Variants in MAPK10 observed in about 807,000 individuals in gnomAD.
MAPK10 encodes JNK3 alpha protein kinase.
MAPK10 carries 25 observed loss-of-function variants against 59.3 expected under a neutral mutation model. The ratio of observed to expected loss-of-function variants is 0.42; its 90% CI spans 0.31 to 0.59. The LOEUF is 0.59. Ranked by LOEUF, MAPK10 falls within the 20% of genes least tolerant of loss-of-function variation. The probability of loss-of-function intolerance (pLI) is 0.15; values close to 1 mark genes in which losing one functional copy is unlikely to be tolerated. For missense variants in MAPK10, 351 were observed against 568.9 expected (o/e 0.62, Z 3.90); for synonymous variants, 190 against 200.5 (o/e 0.95, Z 0.44).
intron 11 of MAPK10, among the ~76,000 whole-genome samples, chr4:86,042,329 T>C (rs114600727): frequency 0.018 from 2,708 of 152,088 alleles, 77 homozygotes; most frequent in African/African-American, 0.063. Context: ...GTCAGAGGGT[T>C]GGGGGCAAGG....
In MAPK10 at chr4:86,173,526, C is replaced by T. The variant is rs907535469; in HGVS notation, c.67-14059G>A. 5.5e-4 allele frequency among the ~76,000 whole-genome samples: 83 copies of T among 151,908 alleles called. 1 individual carries two copies. Among genetic ancestry groups the T allele is most frequent in the African/African-American group, 1.9e-3 (77 of 41,338 alleles). Reference sequence around the variant, plus strand: ...ATGTAAAACCCAAAACCTTAAAAACCCTAGAAGAAAATCTAGGCAATATCA... The same window carrying T: ...ATGTAAAACCCAAAACCTTAAAAACTCTAGAAGAAAATCTAGGCAATATCA... On this transcript the variant is annotated intron_variant, in intron 3 of 13. Transcript: ENST00000641462.
intron 1 of MAPK10, among the ~76,000 whole-genome samples, chr4:86,404,314 T>C (rs949970567): frequency 1.5e-4 from 23 of 152,258 alleles, no homozygotes; most frequent in Middle Eastern, 3.4e-3. Context: ...AGAATTGATA[T>C]CAGTGCATGC....
At chr4:86,548,508 C>T (rs192373285) in intron 1 of MAPK10, among the ~76,000 whole-genome samples, 17 of 152,236 alleles carry the variant, frequency 1.1e-4, no homozygotes, top group Non-Finnish European at 2.1e-4. Flanking sequence ...ATTATAATCT[C>T]CAGGGCTGGA....
intron 3 of MAPK10, among the ~76,000 whole-genome samples, chr4:86,191,264 C>T (rs2079684440): frequency 6.6e-6 from 1 of 152,124 alleles, no homozygotes; most frequent in South Asian, 2.1e-4. Flanking sequence ...ATTAGGTCCA[C>T]TTGGTCCAGA....
chr4:86,560,857 ATATT>A (rs2149104205), intron 1 of MAPK10, among the ~76,000 whole-genome samples: 1 of 152,366 alleles, frequency 6.6e-6, no homozygotes, highest in South Asian at 2.1e-4. Flanking sequence ...ATGATGAAAT[ATATT>A]TAATGAGCTG....
At chr4:86,547,346 T>G (rs1040952057) in intron 1 of MAPK10, among the ~76,000 whole-genome samples, 2 of 152,204 alleles carry the variant, frequency 1.3e-5, no homozygotes, top group African/African-American at 2.4e-5. Context: ...GAACCAGGAC[T>G]GCGCGAGTTC....
chr4:86,100,927 A>C, intron 8 of MAPK10, 125 bp downstream of exon 8: 1 of 753,652 alleles, frequency 1.3e-6, no homozygotes, highest in African/African-American at 1.7e-5. Flanking sequence ...AAAACCCTGA[A>C]TATGCTATCT....
chr4:86,058,169 A>G (rs2148974212), intron 11 of MAPK10, among the ~76,000 whole-genome samples: 1 of 149,950 alleles, frequency 6.7e-6, no homozygotes, highest in Admixed American at 6.6e-5. Flanking sequence ...ACTTCACTTT[A>G]CTAGGGGAGG....
chr4:86,135,451 C>T (rs1303710287), intron 4 of MAPK10, among the ~76,000 whole-genome samples: 1 of 152,146 alleles, frequency 6.6e-6, no homozygotes, highest in Non-Finnish European at 1.5e-5. Flanking sequence ...CGGCAGGGTA[C>T]TCCAACAGAC....
At chr4:86,415,163 T>C (rs1048004111) in intron 1 of MAPK10, among the ~76,000 whole-genome samples, 1 of 149,972 alleles carries the variant, frequency 6.7e-6, no homozygotes, top group Non-Finnish European at 1.5e-5. Context: ...AAAACTTCCA[T>C]TACGGCATTT....
chr4:86,329,177 G>C (rs57468889), intron 2 of MAPK10, among the ~76,000 whole-genome samples: 1 of 152,056 alleles, frequency 6.6e-6, no homozygotes, highest in South Asian at 2.1e-4. Context: ...ATAAACTTCT[G>C]TGCTTTATAA....
chr4:86,094,256 T>C (rs1226827635), intron 9 of MAPK10, among the ~76,000 whole-genome samples: 7 of 151,998 alleles, frequency 4.6e-5, no homozygotes, highest in Non-Finnish European at 1.0e-4. Flanking sequence ...TTTCTTCAAA[T>C]ATACTTTTGG....
At chr4:86,383,299 A>G (rs1741015251) in intron 1 of MAPK10, among the ~76,000 whole-genome samples, 1 of 152,092 alleles carries the variant, frequency 6.6e-6, no homozygotes, top group African/African-American at 2.4e-5. Flanking sequence ...TAGCCCTTCA[A>G]TGGTGCCTCT....
chr4:86,236,470 G>A (rs570742848), intron 2 of MAPK10, among the ~76,000 whole-genome samples: 3 of 152,330 alleles, frequency 2.0e-5, no homozygotes, highest in South Asian at 2.1e-4. Context: ...GGATAGAAAC[G>A]TAGGTCAGAT....
At chr4:86,517,917 T>C (rs1756816733) in intron 1 of MAPK10, among the ~76,000 whole-genome samples, 1 of 152,226 alleles carries the variant, frequency 6.6e-6, no homozygotes, top group African/African-American at 2.4e-5. Flanking sequence ...CTGAACATTT[T>C]TTTTGTTGGC....
At chr4:86,209,490 C>T (rs1422691040) in intron 2 of MAPK10, among the ~76,000 whole-genome samples, 1 of 151,876 alleles carries the variant, frequency 6.6e-6, no homozygotes, top group African/African-American at 2.4e-5. Flanking sequence ...GAAGAAAGCC[C>T]ACACCAATCA....
chr4:86,551,576 TTCTCTCTC>T (rs146552435), intron 1 of MAPK10, among the ~76,000 whole-genome samples: 1 of 149,160 alleles, frequency 6.7e-6, no homozygotes, highest in East Asian at 2.0e-4. Flanking sequence ...CTCTCTTTCT[TTCTCTCTC>T]TCTCTCTCTC....
intron 1 of MAPK10, among the ~76,000 whole-genome samples, chr4:86,524,609 C>T (rs1757337674): frequency 6.6e-6 from 1 of 152,150 alleles, no homozygotes; most frequent in South Asian, 2.1e-4. Flanking sequence ...TACAGGGTTT[C>T]CCGTATATTT....
intron 1 of MAPK10, among the ~76,000 whole-genome samples, chr4:86,419,089 A>C (rs1465362903): frequency 6.6e-6 from 1 of 152,212 alleles, no homozygotes; most frequent in Non-Finnish European, 1.5e-5. Flanking sequence ...CTCAGAAATC[A>C]CCACTAAAGA....
Sources: allele counts gnomAD v4.1 joint callset (sites outside exome capture counted in the v4.1 genomes callset), GRCh38; gene constraint gnomAD v4.1.1; transcripts MANE v1.5; gene names NCBI Gene and HGNC (gene_info 2026-07-23, HGNC 2026-07-21).